Variants in EXOC4 observed in about 807,000 individuals in gnomAD.
EXOC4 encodes exocyst complex component 4.
EXOC4 carries 71 observed loss-of-function variants against 107.2 expected under a neutral mutation model. The ratio of observed to expected loss-of-function variants is 0.66; its 90% CI spans 0.55 to 0.81. The LOEUF (loss-of-function observed/expected upper bound fraction) is 0.81, where lower values mean the gene tolerates loss of function less well. Ranked by LOEUF, EXOC4 falls within the 30% of genes least tolerant of loss-of-function variation. The pLI is 0.00. For missense variants in EXOC4, 1,108 were observed against 1,189.6 expected (o/e 0.93, Z 1.01); for synonymous variants, 456 against 441.2 (o/e 1.03, Z -0.42).
chr7:133,995,863 A>G (rs1794378729), intron 14 of EXOC4, among the ~76,000 whole-genome samples: 1 of 152,180 alleles, frequency 6.6e-6, no homozygotes, highest in African/African-American at 2.4e-5. Context: ...GAAAGGTCAT[A>G]AGTGTAGACA....
Position 134,064,725 on chromosome 7 carries a change from T to C in EXOC4, c.*197T>C, listed in dbSNP as rs1387779346. 5.2e-6 allele frequency: 2 copies of C among 383,412 alleles called. No homozygotes were observed. The highest frequency in any genetic ancestry group is 4.1e-5 in the African/African-American group (2 of 48,442). 23.8% of individuals were successfully genotyped at this position (383,412 alleles called of 1,614,324 possible). On this transcript the variant is annotated 3_prime_UTR_variant, in exon 18 of 18. Coordinates refer to ENST00000253861, the MANE Select transcript of EXOC4 (RefSeq NM_021807.4). ...AAGGCGACAGTACAGAGTGTTTTGG[T>C]TGAACAACTACTTTAATGCAGTCAA...
At chr7:133,503,985 A>ATG (rs1037257331) in intron 9 of EXOC4, among the ~76,000 whole-genome samples, 11 of 148,024 alleles carry the variant, frequency 7.4e-5, no homozygotes, top group African/African-American at 2.7e-4. Context: ...ACGTATGTAT[A>ATG]TGTGTGTATA....
At chr7:133,826,025 T>A (rs1484727139) in intron 11 of EXOC4, among the ~76,000 whole-genome samples, 1 of 152,192 alleles carries the variant, frequency 6.6e-6, no homozygotes, top group Non-Finnish European at 1.5e-5. Flanking sequence ...GTTATTTTAT[T>A]TATTCACTAA....
At chr7:133,481,064 A>AAT (rs1460220318) in intron 9 of EXOC4, 1 of 151,544 alleles carries the variant, frequency 6.6e-6, no homozygotes, top group Non-Finnish European at 1.5e-5. Context: ...AAAGAAAAAA[A>AAT]AAAAAACAAC....
At chr7:133,404,243 G>A (rs1477689885) in intron 7 of EXOC4, among the ~76,000 whole-genome samples, 1 of 151,836 alleles carries the variant, frequency 6.6e-6, no homozygotes, top group African/African-American at 2.4e-5. Context: ...GGGACTACAG[G>A]CGCCCGCCAC....
intron 10 of EXOC4, among the ~76,000 whole-genome samples, chr7:133,707,515 A>AT (rs1471532528): frequency 6.6e-6 from 1 of 152,176 alleles, no homozygotes; most frequent in Non-Finnish European, 1.5e-5. Flanking sequence ...ATACCAATTA[A>AT]TTAAGTTTTC....
chr7:133,960,400 A>G (rs866590312), intron 14 of EXOC4, among the ~76,000 whole-genome samples: 2 of 152,112 alleles, frequency 1.3e-5, no homozygotes, highest in South Asian at 2.1e-4. Context: ...CTCTTTCTCT[A>G]TCTTGTGGAA....
intron 10 of EXOC4, among the ~76,000 whole-genome samples, chr7:133,751,757 A>G (rs1795797595): frequency 6.6e-6 from 1 of 152,022 alleles, no homozygotes; most frequent in Admixed American, 6.6e-5. Context: ...ATCTTGATTC[A>G]AGAGCCCTTG....
intron 9 of EXOC4, among the ~76,000 whole-genome samples, chr7:133,629,330 A>AACTTTGAAT (rs1412335107): frequency 6.6e-6 from 1 of 152,180 alleles, no homozygotes; most frequent in African/African-American, 2.4e-5. Flanking sequence ...TTACACATGC[A>AACTTTGAAT]GCAACTTTGA....
At chr7:133,462,717 A>T (rs1798623493) in intron 7 of EXOC4, among the ~76,000 whole-genome samples, 1 of 152,214 alleles carries the variant, frequency 6.6e-6, no homozygotes, top group Non-Finnish European at 1.5e-5. Flanking sequence ...TACAGCTAAC[A>T]TTCCCCATAC....
intron 7 of EXOC4, among the ~76,000 whole-genome samples, chr7:133,429,931 G>A (rs543003602): frequency 6.6e-5 from 10 of 152,318 alleles, no homozygotes; most frequent in Admixed American, 2.0e-4. Context: ...CGGGTGCCAG[G>A]GCTGGGACAA....
chr7:133,962,054 C>T (rs1800958211), intron 14 of EXOC4, among the ~76,000 whole-genome samples: 1 of 152,224 alleles, frequency 6.6e-6, no homozygotes, highest in African/African-American at 2.4e-5. Flanking sequence ...TTAATCTCAA[C>T]ACCTCTTTGC....
At chr7:134,038,217 C>T (rs1378484114) in intron 17 of EXOC4, among the ~76,000 whole-genome samples, 1 of 152,210 alleles carries the variant, frequency 6.6e-6, no homozygotes, top group Non-Finnish European at 1.5e-5. Flanking sequence ...GCATCTGCAT[C>T]AGGCGGATTG....
intron 1 of EXOC4, 197 bp downstream of exon 1, chr7:133,253,384 A>G: frequency 7.4e-7 from 1 of 1,354,762 alleles, no homozygotes; most frequent in Non-Finnish European, 9.5e-7. Flanking sequence ...GGTTAGCTAT[A>G]GAGAGAGGAG....
chr7:133,721,681 T>A (rs1303289826), intron 10 of EXOC4, among the ~76,000 whole-genome samples: 1 of 152,184 alleles, frequency 6.6e-6, no homozygotes, highest in African/African-American at 2.4e-5. Flanking sequence ...TAGGTTTACA[T>A]GGTAAGAAGG....
At chr7:133,424,799 G>A (rs1362733045) in intron 7 of EXOC4, among the ~76,000 whole-genome samples, 1 of 152,186 alleles carries the variant, frequency 6.6e-6, no homozygotes, top group African/African-American at 2.4e-5. Context: ...TTCTCTCAGA[G>A]AGAAGCTAAA....
rs528527567 is a variant in EXOC4 at position 133,527,307 on chromosome 7, G to A, written c.1417+47169G>A. Among the ~76,000 whole-genome samples the A allele has an allele frequency of 4.1e-4, 63 of 152,116 alleles. 2 individuals are homozygous for A. In the South Asian group the frequency reaches 0.012, roughly 30 times the overall value. The stretch of plus-strand genomic sequence containing the variant: ...TAATCCCAGCTACTTGGGAGGCTGA[G>A]GCAGGAGAATCGCATGAACCTGGGA... On this transcript the variant is annotated intron_variant, in intron 9 of 17. Coordinates refer to ENST00000253861, the MANE Select transcript of EXOC4 (RefSeq NM_021807.4).
At chr7:133,618,316 A>G (rs930587838) in intron 9 of EXOC4, among the ~76,000 whole-genome samples, 1 of 152,004 alleles carries the variant, frequency 6.6e-6, no homozygotes, top group Non-Finnish European at 1.5e-5. Context: ...TTTAAAGTTC[A>G]ATATACCATT....
chr7:133,830,672 A>T (rs746224152), intron 11 of EXOC4, among the ~76,000 whole-genome samples: 3 of 152,188 alleles, frequency 2.0e-5, no homozygotes, highest in Non-Finnish European at 2.9e-5. Context: ...AAGACAGTAC[A>T]AAGAGTTCCC....
Sources: allele counts gnomAD v4.1 joint callset (sites outside exome capture counted in the v4.1 genomes callset), GRCh38; gene constraint gnomAD v4.1.1; transcripts MANE v1.5; gene names NCBI Gene and HGNC (gene_info 2026-07-23, HGNC 2026-07-21).